ZNF430: variants seen among roughly 807,000 people sequenced by gnomAD.
ZNF430 encodes zinc finger protein 430.
A neutral mutation model predicts 56.7 loss-of-function variants in ZNF430; 35 were observed. That is an observed-to-expected ratio of 0.62 (90% CI 0.47 to 0.82). ZNF430 has a LOEUF of 0.82. Among genes scored for constraint, ZNF430 ranks in the 40% least tolerant of loss-of-function variants. ZNF430 has a pLI of 0.00. For synonymous variants in ZNF430, 212 were observed against 224.3 expected (o/e 0.94, Z 0.49); for missense variants, 574 against 661.0 (o/e 0.87, Z 1.44).
At chr19:21,049,550 A>T (rs113680240) in intron 4 of ZNF430, 5 of 150,092 alleles carry the variant, frequency 3.3e-5, no homozygotes, top group African/African-American at 1.2e-4. Flanking sequence ...GTCTCAAGAG[A>T]TCTGACTGCC....
chr19:21,030,201 C>T (rs986166258), intron 2 of ZNF430, among the ~76,000 whole-genome samples: 1 of 152,206 alleles, frequency 6.6e-6, no homozygotes, highest in African/African-American at 2.4e-5. Context: ...TAAATGTATA[C>T]ACAATAAAAA....
intron 4 of ZNF430, among the ~76,000 whole-genome samples, chr19:21,055,753 C>CT (rs902463747): frequency 3.3e-5 from 5 of 152,224 alleles, no homozygotes; most frequent in Middle Eastern, 3.4e-3. Context: ...CACAACTGGC[C>CT]TTTTTTTGTT....
intron 2 of ZNF430, 96 bp downstream of exon 2, chr19:21,022,977 G>A (rs1967724952): frequency 3.3e-6 from 3 of 895,958 alleles, no homozygotes; most frequent in African/African-American, 3.3e-5. Flanking sequence ...TGGCATTGAG[G>A]GGAAAACAAA....
chr19:21,048,164 CTTTTTTTTTTTTTTT>C (rs536496163), intron 4 of ZNF430, among the ~76,000 whole-genome samples: 5 of 59,780 alleles, frequency 8.4e-5, no homozygotes, highest in African/African-American at 1.9e-4. Flanking sequence ...CATAAAACAT[CTTTTTTTTTTTTTTT>C]TTTTTTTTTT....
At chr19:21,045,118 T>C (rs1050911460) in intron 4 of ZNF430, among the ~76,000 whole-genome samples, 2 of 152,154 alleles carry the variant, frequency 1.3e-5, no homozygotes, top group Non-Finnish European at 2.9e-5. Flanking sequence ...TCTGTTAGCT[T>C]TGGGGTTTGT....
At position 21,054,374 on chromosome 19, in the gene ZNF430, GT is replaced by G. The variant is rs940538084; in HGVS notation, c.323-2245del. On this transcript the variant is annotated intron_variant, in intron 4 of 4. Transcript: ENST00000261560. ...TTTCAGAATTTGGTTATTTTTTAAG[GT>G]TTTTTTTTTTTATTTAGCAGGACAT... is the stretch of plus-strand genomic sequence containing the variant. Among the ~76,000 whole-genome samples, 602 of 146,988 alleles carry G rather than the reference GT, an allele frequency of 4.1e-3. 4 individuals are homozygous for G. Among genetic ancestry groups the G allele is most frequent in the African/African-American group, 0.012 (470 of 39,888 alleles).
chr19:21,057,097 T>C lies in ZNF430; in HGVS notation c.789T>C (p.Cys263=). ...ATACTGGAGAGAAACCCTACAAATG[T>C]GAACAATGTGGCAAAGCTTTTAAGC... ...RIHTGEKPYK[C]EQCGKAFKQS... is the part of the protein sequence containing the mutation. The change falls in exon 5 of 5, where the codon TGT becomes TGC. Residue 263 remains cysteine (C), a synonymous_variant. Coordinates refer to ENST00000261560, the MANE Select transcript of ZNF430 (RefSeq NM_025189.4). 1.9e-6 allele frequency: 3 copies of C among 1,614,112 alleles called. No homozygotes were observed. The highest frequency in any genetic ancestry group is 2.5e-6 in the Non-Finnish European group (3 of 1,179,988).
At chr19:21,033,221 GTGCA>G (rs986987246) in intron 2 of ZNF430, among the ~76,000 whole-genome samples, 9 of 151,900 alleles carry the variant, frequency 5.9e-5, no homozygotes, top group Non-Finnish European at 1.2e-4. Context: ...GAATGTAGTG[GTGCA>G]TGCCTGTAAT....
At position 21,021,161 on chromosome 19, in the gene ZNF430, G is replaced by C. The variant is rs548479822; in HGVS notation, c.3+358G>C. Among the ~76,000 whole-genome samples, 14 of 152,230 alleles carry C rather than the reference G, an allele frequency of 9.2e-5. No individual in the cohort carries two copies. In the South Asian group the frequency reaches 2.9e-3, roughly 32 times the overall value. On this transcript the variant is annotated intron_variant, in intron 1 of 4. Coordinates refer to ENST00000261560, the MANE Select transcript of ZNF430 (RefSeq NM_025189.4). ...GACTTGGGGTGCGAGTTCATGAATGGGAAGAACTTTGGTCCTGGGTTCCTA... is the reference window on the plus strand; with the variant it reads ...GACTTGGGGTGCGAGTTCATGAATGCGAAGAACTTTGGTCCTGGGTTCCTA...
intron 2 of ZNF430, 107 bp downstream of exon 2, chr19:21,022,988 T>A: frequency 3.6e-6 from 3 of 823,448 alleles, no homozygotes; most frequent in South Asian, 3.0e-5. Flanking sequence ...GGAAAACAAA[T>A]AATTTTTGCC....
rs1968427125 is a variant in ZNF430, at chr19:21,059,029, A to T, written c.*1008A>T. On this transcript the variant is annotated 3_prime_UTR_variant, in exon 5 of 5. Coordinates refer to ENST00000261560, the MANE Select transcript of ZNF430 (RefSeq NM_025189.4). ...ATCAGGGAATTTATATTGAAGAAAA[A>T]CTTTGCAAATTTAATAAATTTTAAA... 1 of 152,180 alleles carries T rather than the reference A, an allele frequency of 6.6e-6. No individual in the cohort carries two copies. The allele number at this position is 152,180 out of a possible 1,614,324, so 9.4% of individuals were successfully genotyped here.
At chr19:21,048,579 CTTCT>C (rs1334560899) in intron 4 of ZNF430, among the ~76,000 whole-genome samples, 4 of 152,128 alleles carry the variant, frequency 2.6e-5, no homozygotes, top group Non-Finnish European at 5.9e-5. Flanking sequence ...CCTATGTCTA[CTTCT>C]TTCTACACAG....
intron 4 of ZNF430, 147 bp downstream of exon 4, chr19:21,034,331 A>G (rs1417943213): frequency 1.7e-6 from 1 of 587,650 alleles, no homozygotes; most frequent in Non-Finnish European, 3.0e-6. Flanking sequence ...TTGCCCTCGC[A>G]TAGGGTCATC....
chr19:21,056,701 A>T lies in ZNF430; in HGVS notation c.393A>T (p.Ile131=), dbSNP rs759968025. The T allele has an allele frequency of 6.2e-7, 1 of 1,605,462 alleles. No individual in the cohort carries two copies. The highest frequency in any genetic ancestry group is 8.5e-7 in the Non-Finnish European group (1 of 1,175,576). The part of the protein sequence containing the change: ...QGIKDSFQEV[I]LRRYGKCGHE... ...TAAAAGATTCTTTCCAAGAAGTCATATTGAGAAGATATGGAAAATGTGGAC... is the reference window on the plus strand; with the variant it reads ...TAAAAGATTCTTTCCAAGAAGTCATTTTGAGAAGATATGGAAAATGTGGAC... The change falls in exon 5 of 5, where the codon ATA becomes ATT. Residue 131 remains isoleucine (I), a synonymous_variant. Transcript: ENST00000261560.
intron 4 of ZNF430, chr19:21,049,511 T>C (rs937897420): frequency 6.6e-6 from 1 of 152,018 alleles, no homozygotes; most frequent in African/African-American, 2.4e-5. Flanking sequence ...GCAGAGTCTG[T>C]GTTTCTCAGA....
At position 21,036,906 on chromosome 19, in the gene ZNF430, A is replaced by C. The variant is rs184306789; in HGVS notation, c.322+2722A>C. On this transcript the variant is annotated intron_variant, in intron 4 of 4. Coordinates refer to ENST00000261560, the MANE Select transcript of ZNF430 (RefSeq NM_025189.4). ...AGATATTTTACATTTTGTGAAACTA[A>C]AACTCAATACCCATTAAATAACAGC... 29 of 152,186 alleles carry C rather than the reference A, an allele frequency of 1.9e-4. 1 individual carries two copies. Among genetic ancestry groups the C allele is most frequent in the Admixed American group, 1.9e-3 (29 of 15,278 alleles). The allele number at this position is 152,186 out of a possible 1,614,324, so 9.4% of individuals were successfully genotyped here.
intron 2 of ZNF430, among the ~76,000 whole-genome samples, chr19:21,031,103 T>A (rs1967894191): frequency 6.6e-6 from 1 of 152,134 alleles, no homozygotes; most frequent in African/African-American, 2.4e-5. Context: ...AGGCTGATCT[T>A]GAACTCCTGA....
At chr19:21,033,419 T>C in intron 2 of ZNF430, 37 bp from the exon 3 acceptor site, 1 of 1,579,028 alleles carries the variant, frequency 6.3e-7, no homozygotes, top group Non-Finnish European at 8.6e-7. Context: ...GGCCACTTGG[T>C]AAATATACGT....
In ZNF430 at chr19:21,033,838, A is replaced by G. The variant is rs1338824790; in HGVS notation, c.224-248A>G. 5 of 522,816 alleles carry G rather than the reference A, an allele frequency of 9.6e-6. No homozygotes were observed. The East Asian group carries it at 1.7e-4, about 18-fold the overall frequency. 32.4% of individuals were successfully genotyped at this position (522,816 alleles called of 1,614,324 possible). A position where few individuals can be genotyped will look rare whatever the true frequency, so the allele number is the denominator to read the frequency against. ...GGCAATTCCAGAAATTTAGTGGCAT[A>G]AAATATTGTTGCCCATATCTTAAAA... On this transcript the variant is annotated intron_variant, in intron 3 of 4. Coordinates refer to ENST00000261560, the MANE Select transcript of ZNF430 (RefSeq NM_025189.4).
Sources: allele counts gnomAD v4.1 joint callset (sites outside exome capture counted in the v4.1 genomes callset), GRCh38; gene constraint gnomAD v4.1.1; transcripts MANE v1.5; gene names NCBI Gene and HGNC (gene_info 2026-07-23, HGNC 2026-07-21).